Variants in ATP7B observed in about 807,000 individuals in gnomAD.
ATP7B encodes the protein ATPase copper transporting beta.
A neutral mutation model predicts 118.9 loss-of-function variants in ATP7B; 113 were observed. That is an observed-to-expected ratio of 0.95 (90% CI 0.82 to 1.11). ATP7B has a LOEUF of 1.11. Ranked by LOEUF, ATP7B falls within the 50% of genes most tolerant of loss-of-function variation. The pLI is 0.00. For missense variants in ATP7B, 1,867 were observed against 1,871.4 expected, an observed-to-expected ratio of 1.00 and a Z score of 0.04; for synonymous variants, 777 against 727.4, an observed-to-expected ratio of 1.07 and a Z score of -1.10.
chr13:52,010,392 A>G (rs966036390), intron 1 of ATP7B, among the ~76,000 whole-genome samples: 1 of 152,230 alleles, frequency 6.6e-6, no homozygotes, highest in Non-Finnish European at 1.5e-5. Context: ...ATCCTAAAGA[A>G]ATAGTGTCAG....
chr13:51,981,448 C>G (rs1952413113), intron 1 of ATP7B, among the ~76,000 whole-genome samples: 1 of 152,180 alleles, frequency 6.6e-6, no homozygotes, highest in Admixed American at 6.5e-5. Flanking sequence ...GGAGAAGGCA[C>G]ACAAGACACA....
chr13:51,997,202 G>A (rs1329870598), intron 1 of ATP7B, among the ~76,000 whole-genome samples: 2 of 152,226 alleles, frequency 1.3e-5, no homozygotes. Context: ...TGGGGCATCA[G>A]AAGTAGATTT....
At chr13:51,992,005 T>C (rs1952940793) in intron 1 of ATP7B, among the ~76,000 whole-genome samples, 1 of 152,146 alleles carries the variant, frequency 6.6e-6, no homozygotes, top group Non-Finnish European at 1.5e-5. Flanking sequence ...CAGTTATGCC[T>C]TTTAAAACAG....
At chr13:51,975,538 T>C (rs1952070264) in intron 1 of ATP7B, 1 of 523,572 alleles carries the variant, frequency 1.9e-6, no homozygotes, top group African/African-American at 1.9e-5. Context: ...GGCACAGGTA[T>C]CCCAAAAGAG....
chr13:51,948,237 GA>G (rs1396475421), intron 12 of ATP7B, among the ~76,000 whole-genome samples: 3 of 151,930 alleles, frequency 2.0e-5, no homozygotes, highest in Non-Finnish European at 2.9e-5. Flanking sequence ...TTTTTTAAAA[GA>G]AAAAAATTAT....
intron 1 of ATP7B, among the ~76,000 whole-genome samples, chr13:52,005,935 T>C (rs1339310085): frequency 6.6e-6 from 1 of 152,026 alleles, no homozygotes; most frequent in Non-Finnish European, 1.5e-5. Context: ...CGCTGGAAGG[T>C]TGTGGGTTTA....
rs1956777275 is a variant in ATP7B, at chr13:51,932,830, T to C, written c.*1926A>G. ...CCATGTCCATATATGAACACAACGT[T>C]TATGGTCCTAAAAGTTTTAAAAATC... On this transcript the variant is annotated 3_prime_UTR_variant, in exon 21 of 21. Coordinates refer to ENST00000242839, the MANE Select transcript of ATP7B (RefSeq NM_000053.4). 1 of 152,168 alleles carries C rather than the reference T, an allele frequency of 6.6e-6. No individual in the cohort carries two copies. Among genetic ancestry groups the C allele is most frequent in the Non-Finnish European group, 1.5e-5 (1 of 68,030 alleles). 9.4% of individuals were successfully genotyped at this position (152,168 alleles called of 1,614,324 possible).
Position 52,011,296 on chromosome 13 carries a change from G to C in ATP7B, c.42C>G (p.Ala14=). ...QERQITAREG[A]SRKILSKLSL... ...GGGGAACAAAACTCACTTTCCGACT[G>C]GCCCCTTCTCTGGCTGTGATCTGTC... The change falls in exon 1 of 21, where the codon GCC becomes GCG. Residue 14 remains alanine (A), a synonymous_variant. Transcript: ENST00000242839. 6.2e-7 allele frequency: 1 copy of C among 1,614,200 alleles called. No homozygotes were observed. Among genetic ancestry groups the C allele is most frequent in the Non-Finnish European group, 8.5e-7 (1 of 1,180,020 alleles).
chr13:51,966,242 G>A (rs896319793), intron 4 of ATP7B, among the ~76,000 whole-genome samples: 1 of 152,208 alleles, frequency 6.6e-6, no homozygotes, highest in Non-Finnish European at 1.5e-5. Context: ...CCGCAGTACT[G>A]AGAGGTTTAG....
rs373342365 is a variant in ATP7B, at chr13:51,944,113, T to C, written c.3239A>G (p.Lys1080Arg). The change falls in exon 14 of 21, where the codon AAA (lysine) becomes AGA (arginine). Residue 1080 changes from lysine to arginine, a missense_variant. Coordinates refer to ENST00000242839, the MANE Select transcript of ATP7B (RefSeq NM_000053.4). ...GCCACGCCCAAGTCCACGTACCTCT[T>C]TACAGTATTTGGTGACTGCCACGCC... ...PLGVAVTKYC[K>R]EELGTETLGY... is the part of the protein sequence containing the mutation. 1 of 1,614,054 alleles carries C rather than the reference T, an allele frequency of 6.2e-7. No individual in the cohort carries two copies.
Position 51,958,531 on chromosome 13 carries a change from C to A in ATP7B, c.2135G>T (p.Trp712Leu). 1.9e-6 allele frequency: 3 copies of A among 1,614,154 alleles called. No homozygotes were observed. Among genetic ancestry groups the A allele is most frequent in the Non-Finnish European group, 2.5e-6 (3 of 1,180,010 alleles). Reference sequence around the variant, plus strand: ...TTTGTAGGCCTGAACGTAGAAGTACCACCCACCGAGGAGCTGAAAGACAAG... The same window carrying A: ...TTTGTAGGCCTGAACGTAGAAGTACAACCCACCGAGGAGCTGAAAGACAAG... ...LCTFVQLLGG[W>L]YFYVQAYKSL... The change falls in exon 8 of 21, where the codon TGG becomes TTG. Residue 712 changes from tryptophan to leucine, a missense_variant. Coordinates refer to ENST00000242839, the MANE Select transcript of ATP7B (RefSeq NM_000053.4).
At chr13:51,980,915 C>G (rs1274901464) in intron 1 of ATP7B, among the ~76,000 whole-genome samples, 1 of 152,248 alleles carries the variant, frequency 6.6e-6, no homozygotes, top group Non-Finnish European at 1.5e-5. Context: ...CTTAACACAT[C>G]TGAACTTTCA....
intron 11 of ATP7B, 71 bp downstream of exon 11, chr13:51,949,936 A>G: frequency 1.2e-6 from 2 of 1,612,790 alleles, no homozygotes; most frequent in Non-Finnish European, 1.7e-6. Context: ...AAACTGTCTG[A>G]TTTCCCAGAA....
At chr13:51,979,559 C>T (rs1291005423) in intron 1 of ATP7B, among the ~76,000 whole-genome samples, 1 of 152,138 alleles carries the variant, frequency 6.6e-6, no homozygotes, top group Non-Finnish European at 1.5e-5. Flanking sequence ...TAATTAAATA[C>T]TTCTTTAATT....
At chr13:51,963,293 C>A (rs982886826) in intron 5 of ATP7B, among the ~76,000 whole-genome samples, 1 of 152,142 alleles carries the variant, frequency 6.6e-6, no homozygotes, top group East Asian at 1.9e-4. Context: ...TGGGTTTGAA[C>A]ACCAGTTCTG....
At chr13:51,941,654 T>A (rs1167673762) in intron 15 of ATP7B, among the ~76,000 whole-genome samples, 1 of 152,192 alleles carries the variant, frequency 6.6e-6, no homozygotes. Flanking sequence ...CTACATGAAA[T>A]GTTTAAAACT....
chr13:51,952,463 A>G (rs1367590172), intron 9 of ATP7B, among the ~76,000 whole-genome samples: 2 of 152,228 alleles, frequency 1.3e-5, no homozygotes, highest in African/African-American at 4.8e-5. Context: ...CTTACTTGAG[A>G]AGGAGAAATA....
At chr13:51,938,188 C>T (rs984458501) in intron 17 of ATP7B, among the ~76,000 whole-genome samples, 5 of 152,172 alleles carry the variant, frequency 3.3e-5, no homozygotes, top group African/African-American at 9.7e-5. Context: ...ACTCTGTGCC[C>T]CTGGGAAATG....
chr13:51,947,973 G>A (rs374757607), intron 12 of ATP7B: 11 of 152,232 alleles, frequency 7.2e-5, no homozygotes, highest in African/African-American at 2.4e-4. Context: ...GTCTTCCCAT[G>A]GCCATATGCC....
Sources: gnomAD v4.1 joint callset for allele counts (sites outside exome capture counted in the v4.1 genomes callset) on GRCh38, gnomAD v4.1.1 for gene constraint, MANE v1.5 for transcripts, NCBI Gene and HGNC (gene_info 2026-07-23, HGNC 2026-07-21) for gene names.